WDFY2: variants seen among roughly 807,000 people sequenced by gnomAD.
The protein encoded by WDFY2 is WD repeat and FYVE domain containing 2, also known as WD repeat and FYVE domain-containing protein 2.
WDFY2 carries 36 observed loss-of-function variants against 56.4 expected under a neutral mutation model. The ratio of observed to expected loss-of-function variants is 0.64; its 90% confidence interval spans 0.49 to 0.84. The LOEUF is 0.84. Ranked by LOEUF, WDFY2 falls within the 40% of genes least tolerant of loss-of-function variation. The pLI, the probability that WDFY2 is intolerant of heterozygous loss-of-function variation, is 0.00. For synonymous variants in WDFY2, 176 were observed against 183.7 expected (o/e 0.96, Z 0.34); for missense variants, 444 against 512.2 (o/e 0.87, Z 1.29).
intron 11 of WDFY2, among the ~76,000 whole-genome samples, chr13:51,759,309 G>GTTAATGGATTGAGTTAT (rs551755497): frequency 1.5e-3 from 226 of 152,344 alleles, no homozygotes; most frequent in African/African-American, 4.9e-3. Context: ...TTGGCGTCCA[G>GTTAATGGATTGAGTTAT]TTAATGGATT....
At chr13:51,717,714 A>G (rs1952389215) in intron 4 of WDFY2, among the ~76,000 whole-genome samples, 1 of 152,162 alleles carries the variant, frequency 6.6e-6, no homozygotes, top group African/African-American at 2.4e-5. Flanking sequence ...AGTTTCTCCA[A>G]GAAGTCACAT....
At position 51,584,815 on chromosome 13, in the gene WDFY2, C is replaced by A; in HGVS notation, c.128C>A (p.Ser43Tyr). ...AAAGAGGAGGGCGTCATCAGCGTCT[C>A]CGAGGACAGGTATGGACTACTGCCA... ...VPKEEGVISV[S>Y]EDRTVRVWLK... Residue 43 changes from serine to tyrosine, a missense_variant, in exon 1 of 12, where the codon TCC becomes TAC. Physicochemically the swap from Ser to Tyr is moderately radical, Grantham distance 144. Coordinates refer to ENST00000298125, the MANE Select transcript of WDFY2 (RefSeq NM_052950.4). 1 of 1,613,854 alleles carries A rather than the reference C, an allele frequency of 6.2e-7. No homozygotes were observed. Among genetic ancestry groups the A allele is most frequent in the Non-Finnish European group, 8.5e-7 (1 of 1,179,798 alleles).
Position 51,641,158 on chromosome 13 carries a change from C to T in WDFY2, c.138-19438C>T, listed in dbSNP as rs559531559. 5.3e-5 allele frequency among the ~76,000 whole-genome samples: 8 copies of T among 152,012 alleles called. No homozygotes were observed. The South Asian group carries it at 8.3e-4, about 16-fold the overall frequency. On this transcript the variant is annotated intron_variant, in intron 1 of 11. Coordinates refer to ENST00000298125, the MANE Select transcript of WDFY2 (RefSeq NM_052950.4). ...TATGATCTCGGCTCACTGCAACCTC[C>T]GCCCTCCGAGTTCAAATGATTCTCC...
At chr13:51,740,500 G>A (rs535081056) in intron 7 of WDFY2, among the ~76,000 whole-genome samples, 12 of 152,276 alleles carry the variant, frequency 7.9e-5, no homozygotes, top group Non-Finnish European at 1.5e-4. Flanking sequence ...CGGATCACAA[G>A]GTCAAGAGTT....
At chr13:51,729,419 A>C (rs1952674227) in intron 6 of WDFY2, among the ~76,000 whole-genome samples, 1 of 151,894 alleles carries the variant, frequency 6.6e-6, no homozygotes, top group East Asian at 1.9e-4. Context: ...TTTAAAAAAA[A>C]AAAAAAAACC....
chr13:51,659,192 G>A (rs942384189), intron 1 of WDFY2, among the ~76,000 whole-genome samples: 1 of 152,176 alleles, frequency 6.6e-6, no homozygotes, highest in African/African-American at 2.4e-5. Flanking sequence ...CTCCCAAGGT[G>A]CTGGGATTAC....
intron 1 of WDFY2, 80 bp from the exon 2 acceptor site, chr13:51,660,516 G>T: frequency 7.1e-7 from 1 of 1,401,460 alleles, no homozygotes; most frequent in South Asian, 1.2e-5. Context: ...ATAATATTAA[G>T]AGATTTGTTT....
Position 51,591,197 on chromosome 13 carries a change from A to G in WDFY2, c.137+6373A>G, listed in dbSNP as rs185394267. On this transcript the variant is annotated intron_variant, in intron 1 of 11. Coordinates refer to ENST00000298125, the MANE Select transcript of WDFY2 (RefSeq NM_052950.4). ...GTAGTCTCTGCAACCATATCATCCT[A>G]AAATCTCAAGTGGAGGAAAGCACGC... 6 of 152,344 alleles carry G rather than the reference A, an allele frequency of 3.9e-5. No individual in the cohort carries two copies. In the East Asian group the frequency reaches 1.2e-3, roughly 29 times the overall value. 9.4% of individuals were successfully genotyped at this position (152,344 alleles called of 1,614,324 possible).
intron 6 of WDFY2, among the ~76,000 whole-genome samples, chr13:51,736,726 C>T (rs1159989806): frequency 5.9e-5 from 9 of 152,190 alleles, no homozygotes; most frequent in Admixed American, 2.0e-4. Flanking sequence ...CTCCTGACCT[C>T]GTGATCAGCC....
chr13:51,629,085 A>G (rs1954897823), intron 1 of WDFY2, among the ~76,000 whole-genome samples: 1 of 152,202 alleles, frequency 6.6e-6, no homozygotes, highest in Non-Finnish European at 1.5e-5. Flanking sequence ...TATGGAGAAG[A>G]CAGTCTTGGA....
chr13:51,605,018 A>G (rs1954358041), intron 1 of WDFY2, among the ~76,000 whole-genome samples: 1 of 152,228 alleles, frequency 6.6e-6, no homozygotes, highest in Non-Finnish European at 1.5e-5. Context: ...AGTGGGGATT[A>G]TTGAAGCCTT....
intron 6 of WDFY2, 50 bp downstream of exon 6, chr13:51,727,840 GCCTGCTGCATCT>G: frequency 6.5e-7 from 1 of 1,531,786 alleles, no homozygotes; most frequent in Non-Finnish European, 9.0e-7. Context: ...GTGAGATATC[GCCTGCTGCATCT>G]CCTGATGTTC....
intron 1 of WDFY2, among the ~76,000 whole-genome samples, chr13:51,659,409 TG>T (rs2064396225): frequency 6.6e-6 from 1 of 152,196 alleles, no homozygotes; most frequent in Non-Finnish European, 1.5e-5. Context: ...CTTAAGAGTG[TG>T]GGGTGAGGTG....
intron 1 of WDFY2, chr13:51,586,070 G>T (rs369999802): frequency 6.3e-5 from 25 of 398,444 alleles, no homozygotes; most frequent in African/African-American, 4.9e-4. Flanking sequence ...CAAGCATTCT[G>T]CAATGAACAG....
At chr13:51,687,797 C>T (rs1034667593) in intron 3 of WDFY2, among the ~76,000 whole-genome samples, 1 of 151,958 alleles carries the variant, frequency 6.6e-6, no homozygotes, top group African/African-American at 2.4e-5. Flanking sequence ...TCATTTAATG[C>T]AGACTGTGAT....
At chr13:51,656,493 TATC>T (rs1343328871) in intron 1 of WDFY2, among the ~76,000 whole-genome samples, 1 of 152,020 alleles carries the variant, frequency 6.6e-6, no homozygotes, top group Non-Finnish European at 1.5e-5. Context: ...GTTGTTTATA[TATC>T]ATTAGATCTA....
At chr13:51,748,012 C>CT (rs1312525748) in intron 7 of WDFY2, among the ~76,000 whole-genome samples, 3 of 152,140 alleles carry the variant, frequency 2.0e-5, no homozygotes, top group Non-Finnish European at 2.9e-5. Context: ...TTCCCTTGTC[C>CT]TTTGTTCCCT....
intron 5 of WDFY2, among the ~76,000 whole-genome samples, chr13:51,723,287 A>G (rs1307737134): frequency 2.0e-5 from 3 of 152,212 alleles, no homozygotes; most frequent in Admixed American, 6.5e-5. Context: ...TACATCTAAA[A>G]ATTAACAATC....
intron 10 of WDFY2, among the ~76,000 whole-genome samples, chr13:51,757,523 G>A (rs1953429146): frequency 6.6e-6 from 1 of 151,466 alleles, no homozygotes; most frequent in Non-Finnish European, 1.5e-5. Flanking sequence ...GATAAGAGCA[G>A]TCTCCTAGAC....
Sources: gnomAD v4.1 joint callset for allele counts (sites outside exome capture counted in the v4.1 genomes callset) on GRCh38, gnomAD v4.1.1 for gene constraint, MANE v1.5 for transcripts, NCBI Gene and HGNC (gene_info 2026-07-23, HGNC 2026-07-21) for gene names.